IL1RL1: variants seen among roughly 807,000 people sequenced by gnomAD.
IL1RL1 encodes interleukin-1 receptor-like 1.
IL1RL1 carries 32 observed loss-of-function variants against 50.9 expected under a neutral mutation model. That is an observed-to-expected ratio of 0.63 (90% CI 0.47 to 0.84). IL1RL1 has a LOEUF of 0.84. IL1RL1 is among the 40% of genes least tolerant of loss of function. The probability of loss-of-function intolerance (pLI) is 0.00; values close to 1 mark genes in which losing one functional copy is unlikely to be tolerated. For missense variants in IL1RL1, 773 were observed against 662.9 expected (o/e 1.17, Z -1.82); for synonymous variants, 275 against 236.0 (o/e 1.17, Z -1.51).
intron 8 of IL1RL1, chr2:102,345,436 GCTGTACAATCATGTA>G (rs1235383564): frequency 1.0e-6 from 1 of 985,192 alleles, no homozygotes; most frequent in African/African-American, 1.7e-5. Context: ...CTCCTCAGGG[GCTGTACAATCATGTA>G]GAAATTGTTT....
At chr2:102,318,308 G>T (rs1260327084) in intron 1 of IL1RL1, among the ~76,000 whole-genome samples, 1 of 152,270 alleles carries the variant, frequency 6.6e-6, no homozygotes, top group East Asian at 1.9e-4. Context: ...TGGAAAGTAG[G>T]TTCACTGGGA....
chr2:102,331,787 G>T (rs1219263939), intron 1 of IL1RL1, among the ~76,000 whole-genome samples: 2 of 152,148 alleles, frequency 1.3e-5, no homozygotes, highest in Non-Finnish European at 2.9e-5. Context: ...TATTTCTGAG[G>T]CTGGGCATGG....
intron 1 of IL1RL1, among the ~76,000 whole-genome samples, chr2:102,319,665 T>C (rs570897766): frequency 2.4e-4 from 36 of 152,178 alleles, no homozygotes; most frequent in Non-Finnish European, 3.8e-4. Flanking sequence ...GGGCATATTC[T>C]CAGTATCTTT....
chr2:102,328,380 C>G (rs993426378), intron 1 of IL1RL1, among the ~76,000 whole-genome samples: 9 of 152,060 alleles, frequency 5.9e-5, no homozygotes, highest in Middle Eastern at 3.2e-3. Flanking sequence ...CTATCTATGA[C>G]AAACCCACAG....
At chr2:102,314,151 C>CAGA (rs937041052) in intron 1 of IL1RL1, among the ~76,000 whole-genome samples, 130 of 152,222 alleles carry the variant, frequency 8.5e-4, no homozygotes, top group Non-Finnish European at 1.6e-3. Context: ...AACATAGCAG[C>CAGA]AGCAGCAGCA....
At chr2:102,313,427 C>G (rs7567301) in intron 1 of IL1RL1, 3 of 152,080 alleles carry the variant, frequency 2.0e-5, no homozygotes, top group African/African-American at 7.3e-5. Context: ...TTCTTGAATG[C>G]GTTGTTTAGG....
intron 1 of IL1RL1, among the ~76,000 whole-genome samples, chr2:102,323,709 C>T (rs530224700): frequency 2.6e-4 from 39 of 152,188 alleles, no homozygotes; most frequent in African/African-American, 9.4e-4. Flanking sequence ...GAGGGATCCA[C>T]CCCCATGACC....
chr2:102,323,447 G>A (rs1339992263), intron 1 of IL1RL1, among the ~76,000 whole-genome samples: 2 of 152,052 alleles, frequency 1.3e-5, no homozygotes, highest in African/African-American at 2.4e-5. Context: ...TTAAGAAAAA[G>A]TTTATTTGGC....
chr2:102,314,021 A>T (rs1676599378), intron 1 of IL1RL1, among the ~76,000 whole-genome samples: 1 of 152,240 alleles, frequency 6.6e-6, no homozygotes, highest in African/African-American at 2.4e-5. Flanking sequence ...GCCTTGGCTC[A>T]GACACAGAGG....
Position 102,322,715 on chromosome 2 carries a change from C to A in IL1RL1, c.-150+11092C>A, listed in dbSNP as rs1391335217. Among the ~76,000 whole-genome samples the A allele has an allele frequency of 2.0e-5, 3 of 152,194 alleles. No homozygotes were observed. In the East Asian group the frequency reaches 5.8e-4, roughly 29 times the overall value. ...ACATATTCAGTTGAATGAGATTCAG[C>A]AATCATATCCCCCATGTATCATCAT... On this transcript the variant is annotated intron_variant, in intron 1 of 10. Coordinates refer to ENST00000233954, the MANE Select transcript of IL1RL1 (RefSeq NM_016232.5).
intron 1 of IL1RL1, among the ~76,000 whole-genome samples, chr2:102,327,111 A>T (rs377557059): frequency 6.6e-6 from 1 of 152,106 alleles, no homozygotes; most frequent in Non-Finnish European, 1.5e-5. Context: ...GAAATAAAGC[A>T]CTCCTCAGCA....
intron 8 of IL1RL1, among the ~76,000 whole-genome samples, chr2:102,346,314 C>A (rs1016378192): frequency 6.6e-6 from 1 of 152,150 alleles, no homozygotes; most frequent in African/African-American, 2.4e-5. Context: ...TTTATTTTCT[C>A]AATACTTCAA....
intron 2 of IL1RL1, 52 bp from the exon 3 acceptor site, chr2:102,338,785 T>A: frequency 1.5e-6 from 2 of 1,356,458 alleles, no homozygotes; most frequent in Non-Finnish European, 2.1e-6. Context: ...ATAAGAATTA[T>A]GATCTTTTCA....
intron 5 of IL1RL1, chr2:102,341,357 A>G: frequency 8.3e-7 from 1 of 1,205,604 alleles, no homozygotes; most frequent in Non-Finnish European, 1.1e-6. Context: ...AATGGCCTTG[A>G]GTAAGTCACT....
At chr2:102,323,256 T>A (rs986603520) in intron 1 of IL1RL1, among the ~76,000 whole-genome samples, 1 of 143,230 alleles carries the variant, frequency 7.0e-6, no homozygotes, top group African/African-American at 2.6e-5. Context: ...TTTATATATA[T>A]ATATATATAT....
chr2:102,313,154 G>C (rs892581949), intron 1 of IL1RL1: 1 of 152,076 alleles, frequency 6.6e-6, no homozygotes, highest in East Asian at 1.9e-4. Context: ...TTTAAATCTT[G>C]AGTTTCTTGC....
intron 1 of IL1RL1, among the ~76,000 whole-genome samples, chr2:102,326,448 C>T (rs1010006558): frequency 3.6e-4 from 54 of 152,016 alleles, no homozygotes; most frequent in Admixed American, 5.9e-4. Flanking sequence ...CATCAACTAA[C>T]GAGCAAAATA....
rs904364613 is a variant in IL1RL1, at chr2:102,335,199, G to T, written c.-149-2917G>T. ...GCCTTTTTGCAGTTTGTCTTAAGTT[G>T]CTATAAACTACTCTCTGTTATGTTG... On this transcript the variant is annotated intron_variant, in intron 1 of 10. Coordinates refer to ENST00000233954, the MANE Select transcript of IL1RL1 (RefSeq NM_016232.5). 2.4e-4 allele frequency among the ~76,000 whole-genome samples: 37 copies of T among 152,168 alleles called. 1 individual carries two copies. The highest frequency in any genetic ancestry group is 2.2e-3 in the Admixed American group (34 of 15,264).
At chr2:102,319,510 A>C (rs767502410) in intron 1 of IL1RL1, among the ~76,000 whole-genome samples, 28 of 152,338 alleles carry the variant, frequency 1.8e-4, no homozygotes, top group Middle Eastern at 3.4e-3. Flanking sequence ...GATAAAATGT[A>C]CATGTAGGTG....
Sources: gnomAD v4.1 joint callset for allele counts (sites outside exome capture counted in the v4.1 genomes callset) on GRCh38, gnomAD v4.1.1 for gene constraint, MANE v1.5 for transcripts, NCBI Gene and HGNC (gene_info 2026-07-23, HGNC 2026-07-21) for gene names.